Variants in DENND5A observed in about 807,000 individuals in gnomAD.
DENND5A encodes DENN domain-containing protein 5A.
DENND5A carries 64 observed loss-of-function variants against 140.3 expected under a neutral mutation model. The ratio of observed to expected loss-of-function variants is 0.46; its 90% CI spans 0.37 to 0.56. DENND5A has a LOEUF of 0.56. DENND5A is among the 20% of genes least tolerant of loss of function. DENND5A has a pLI of 0.00. For synonymous variants in DENND5A, 605 were observed against 607.7 expected, an observed-to-expected ratio of 1.00 and a Z score of 0.07; for missense variants, 1,292 against 1,593.8, an observed-to-expected ratio of 0.81 and a Z score of 3.22.
chr11:9,262,140 A>G (rs941144117), intron 1 of DENND5A, among the ~76,000 whole-genome samples: 1 of 152,276 alleles, frequency 6.6e-6, no homozygotes, highest in East Asian at 1.9e-4. Context: ...TTGAAGGTCT[A>G]CTTGATGAGA....
Position 9,203,982 on chromosome 11 carries a change from G to A in DENND5A, c.627C>T (p.Leu209=), listed in dbSNP as rs973830706. ...DTLYVSKCIC[L]ITPMSFMKAC... ...CCTTCATGAAAGACATGGGTGTGAT[G>A]AGGCAGATGCACTTAGAGACGTAGA... Residue 209 remains leucine (L), a synonymous_variant, in exon 4 of 23, where the codon CTC becomes CTT. Transcript: ENST00000328194. The A allele has an allele frequency of 3.7e-6, 6 of 1,614,064 alleles. No individual in the cohort carries two copies. The Admixed American group carries it at 8.3e-5, about 22-fold the overall frequency.
At chr11:9,150,836 T>TA in intron 13 of DENND5A, 72 bp from the exon 14 acceptor site, 1 of 893,846 alleles carries the variant, frequency 1.1e-6, no homozygotes, top group Non-Finnish European at 1.8e-6. Context: ...TCCCTTACCT[T>TA]AAATCACAAA....
rs114524329 is a variant in DENND5A, at chr11:9,221,618, G to A, written c.110-13986C>T. On this transcript the variant is annotated intron_variant, in intron 1 of 22. Coordinates refer to ENST00000328194, the MANE Select transcript of DENND5A (RefSeq NM_015213.4). ...TGACCTCAGGCAATCGGTCTGCCTCGGCCTCCCAAACTGCTGGGATTACAG... is the reference window on the plus strand; with the variant it reads ...TGACCTCAGGCAATCGGTCTGCCTCAGCCTCCCAAACTGCTGGGATTACAG... Among the ~76,000 whole-genome samples the A allele has an allele frequency of 2.9e-3, 443 of 152,044 alleles. 2 individuals carry two copies. The highest frequency in any genetic ancestry group is 0.01 in the African/African-American group (420 of 41,490).
chr11:9,179,210 G>A, intron 6 of DENND5A, 137 bp from the exon 7 acceptor site: 2 of 684,734 alleles, frequency 2.9e-6, no homozygotes, highest in African/African-American at 1.8e-5. Context: ...AACAAAAGAG[G>A]AAAAACTGGA....
At chr11:9,220,346 A>C (rs1319450064) in intron 1 of DENND5A, among the ~76,000 whole-genome samples, 1 of 150,458 alleles carries the variant, frequency 6.6e-6, no homozygotes, top group African/African-American at 2.4e-5. Context: ...TCAGGAGTTC[A>C]AGACCAGTCT....
intron 1 of DENND5A, among the ~76,000 whole-genome samples, chr11:9,218,201 G>A (rs1850169580): frequency 6.6e-6 from 1 of 151,284 alleles, no homozygotes; most frequent in South Asian, 2.1e-4. Context: ...AGAGGCTGCA[G>A]TGAGCTGAGA....
At position 9,147,037 on chromosome 11, in the gene DENND5A, T is replaced by C. The variant is rs750853099; in HGVS notation, c.2850A>G (p.Thr950=). 6 of 1,614,184 alleles carry C rather than the reference T, an allele frequency of 3.7e-6. No individual in the cohort carries two copies. The highest frequency in any genetic ancestry group is 1.6e-4 in the Middle Eastern group (1 of 6,062). Residue 950 remains threonine, a synonymous_variant, in exon 16 of 23, where the codon ACA becomes ACG. Coordinates refer to ENST00000328194, the MANE Select transcript of DENND5A (RefSeq NM_015213.4). ...VDYFCFTNVF[T]TILIPYHILI... ...GAGCACAGGGCTACTCACGGATAGT[T>C]GTGAAGACATTGGTGAAGCAAAAGT...
chr11:9,197,004 C>T (rs1332232945), intron 4 of DENND5A, among the ~76,000 whole-genome samples: 1 of 151,438 alleles, frequency 6.6e-6, no homozygotes, highest in Non-Finnish European at 1.5e-5. Flanking sequence ...CAACACCTAA[C>T]ATAAAAAATA....
intron 1 of DENND5A, among the ~76,000 whole-genome samples, chr11:9,240,648 T>C (rs1851197587): frequency 6.6e-6 from 1 of 151,558 alleles, no homozygotes; most frequent in African/African-American, 2.4e-5. Flanking sequence ...AGGCAGAGTT[T>C]GCAGTGAGCT....
chr11:9,257,853 C>T (rs1426518288), intron 1 of DENND5A, among the ~76,000 whole-genome samples: 4 of 150,512 alleles, frequency 2.7e-5, no homozygotes, highest in South Asian at 2.1e-4. Context: ...AGTGCAGTGA[C>T]GCCATCTTGG....
intron 1 of DENND5A, among the ~76,000 whole-genome samples, chr11:9,251,068 G>C (rs1284952284): frequency 2.7e-5 from 4 of 150,380 alleles, no homozygotes; most frequent in African/African-American, 9.8e-5. Flanking sequence ...CCAGGAGGCA[G>C]AGGTTACAGT....
At chr11:9,243,634 T>C (rs1227560975) in intron 1 of DENND5A, among the ~76,000 whole-genome samples, 1 of 152,176 alleles carries the variant, frequency 6.6e-6, no homozygotes, top group Non-Finnish European at 1.5e-5. Flanking sequence ...ACACCTGCAA[T>C]CCCAGCACGT....
At chr11:9,232,902 C>T (rs1035065525) in intron 1 of DENND5A, among the ~76,000 whole-genome samples, 1 of 152,100 alleles carries the variant, frequency 6.6e-6, no homozygotes, top group Non-Finnish European at 1.5e-5. Context: ...GAACGACCAA[C>T]CTAAAACTAT....
chr11:9,177,253 C>T (rs1345733238), intron 8 of DENND5A, among the ~76,000 whole-genome samples: 14 of 118,864 alleles, frequency 1.2e-4, no homozygotes, highest in Non-Finnish European at 5.0e-5. Flanking sequence ...GACCCTGTCT[C>T]GAAAAAAAAA....
At chr11:9,176,292 A>C (rs2136168591) in intron 8 of DENND5A, among the ~76,000 whole-genome samples, 1 of 152,360 alleles carries the variant, frequency 6.6e-6, no homozygotes, top group South Asian at 2.1e-4. Flanking sequence ...TCTGGCAAAT[A>C]TTTCTTGAAG....
At chr11:9,235,707 C>T (rs2136261962) in intron 1 of DENND5A, among the ~76,000 whole-genome samples, 1 of 151,376 alleles carries the variant, frequency 6.6e-6, no homozygotes, top group Admixed American at 6.6e-5. Flanking sequence ...GAGCCAGACA[C>T]AAAAGCCAAA....
chr11:9,256,950 G>T (rs887741678), intron 1 of DENND5A, among the ~76,000 whole-genome samples: 4 of 152,114 alleles, frequency 2.6e-5, no homozygotes, highest in Admixed American at 6.6e-5. Flanking sequence ...AAGCAAATGG[G>T]GCAAAATGTT....
At chr11:9,147,288 G>T in intron 15 of DENND5A, 137 bp from the exon 16 acceptor site, 1 of 869,046 alleles carries the variant, frequency 1.2e-6, no homozygotes, top group Non-Finnish European at 1.7e-6. Flanking sequence ...CCCTATAAAG[G>T]AACAAAGCTA....
At chr11:9,260,316 A>T (rs1852141705) in intron 1 of DENND5A, among the ~76,000 whole-genome samples, 1 of 152,090 alleles carries the variant, frequency 6.6e-6, no homozygotes, top group Non-Finnish European at 1.5e-5. Flanking sequence ...TCTCAAGCAG[A>T]GACAAGGAAA....
Sources: gnomAD v4.1 joint callset for allele counts (sites outside exome capture counted in the v4.1 genomes callset) on GRCh38, gnomAD v4.1.1 for gene constraint, MANE v1.5 for transcripts, NCBI Gene and HGNC (gene_info 2026-07-23, HGNC 2026-07-21) for gene names.